The following YBX1 variants were observed in gnomAD, a reference collection of about 807,000 sequenced individuals.
YBX1 encodes the protein Y-box-binding protein 1.
In YBX1, 3 loss-of-function variants were observed where a neutral mutation model predicts 41.4. The ratio of observed to expected loss-of-function variants is 0.07; its 90% CI spans 0.03 to 0.19. YBX1 has a LOEUF of 0.19. YBX1 is among the 10% of genes least tolerant of loss of function. YBX1 has a pLI of 1.00. For missense variants in YBX1, 274 were observed against 462.8 expected, an observed-to-expected ratio of 0.59 and a Z score of 3.74; for synonymous variants, 133 against 165.8, an observed-to-expected ratio of 0.80 and a Z score of 1.52.
chr1:42,696,771 T>C lies in YBX1; in HGVS notation c.484T>C (p.Tyr162His). The change falls in exon 5 of 8, where the codon TAC becomes CAC. Residue 162 changes from tyrosine (Y) to histidine (H), a missense_variant. Tyr to His is a moderately conservative substitution (Grantham distance 83). Coordinates refer to ENST00000321358, the MANE Select transcript of YBX1 (RefSeq NM_004559.5). The surrounding 1 kb of genome is among the most constrained non-coding windows in gnomAD (Gnocchi z 5.7). ...TCCTCCACGCAATTACCAGCAAAAT[T>C]ACCAGAATAGTGAGAGTGGGGAAAA... is the stretch of plus-strand genomic sequence containing the variant. The part of the protein sequence containing the change: ...RGPPRNYQQN[Y>H]QNSESGEKNE... The C allele has an allele frequency of 3.7e-6, 6 of 1,613,778 alleles. No homozygotes were observed. The highest frequency in any genetic ancestry group is 5.1e-6 in the Non-Finnish European group (6 of 1,179,828).
rs1650651162 is a variant in YBX1 at position 42,703,304 on chromosome 1, G to A, written c.*1355G>A. 6.6e-6 allele frequency among the ~76,000 whole-genome samples: 1 copy of A among 152,064 alleles called. No homozygotes were observed. The highest frequency in any genetic ancestry group is 1.5e-5 in the Non-Finnish European group (1 of 68,010). ...AATAGTCATGTAGTTGATAGTGACT[G>A]CTGCCCCGAAACACTCCAGATCATC... On this transcript the variant is annotated 3_prime_UTR_variant, in exon 8 of 8. Transcript: ENST00000321358.
At chr1:42,688,950 T>A (rs1650264609) in intron 2 of YBX1, among the ~76,000 whole-genome samples, 1 of 152,256 alleles carries the variant, frequency 6.6e-6, no homozygotes, top group Non-Finnish European at 1.5e-5. Context: ...AGGATTTATG[T>A]TACCAGTAAG....
chr1:42,698,770 G>A (rs1041834849), intron 6 of YBX1, among the ~76,000 whole-genome samples: 1 of 152,172 alleles, frequency 6.6e-6, no homozygotes, highest in African/African-American at 2.4e-5. Flanking sequence ...TAATGTCTAC[G>A]TGTTTCAATG....
chr1:42,689,414 G>C (rs1019225467), intron 2 of YBX1, among the ~76,000 whole-genome samples: 2 of 152,152 alleles, frequency 1.3e-5, no homozygotes, highest in Admixed American at 1.3e-4. Context: ...CGTGAATTAA[G>C]GTGTTAGACT....
chr1:42,701,471 T>C (rs1036205552), intron 7 of YBX1, among the ~76,000 whole-genome samples: 1 of 152,088 alleles, frequency 6.6e-6, no homozygotes, highest in East Asian at 1.9e-4. Flanking sequence ...TGGTGACAAA[T>C]AGAGTCTGTT....
chr1:42,688,503 T>C lies in YBX1; in HGVS notation c.231-4987T>C, dbSNP rs190315890. Among the ~76,000 whole-genome samples, 905 of 152,316 alleles carry C rather than the reference T, an allele frequency of 5.9e-3. 6 individuals carry two copies. The highest frequency in any genetic ancestry group is 8.7e-3 in the Non-Finnish European group (592 of 68,024). On this transcript the variant is annotated intron_variant, in intron 2 of 7. Transcript: ENST00000321358. ...CTGCACGACATTCACTGTAGTAATATTGTACTATTATAATATGTAGCCACT... is the reference window on the plus strand; with the variant it reads ...CTGCACGACATTCACTGTAGTAATACTGTACTATTATAATATGTAGCCACT...
At chr1:42,693,632 G>T in intron 3 of YBX1, 109 bp downstream of exon 3, 1 of 1,147,672 alleles carries the variant, frequency 8.7e-7, no homozygotes, top group Non-Finnish European at 1.3e-6. Context: ...CCAACCACCA[G>T]TTTATTTACT....
chr1:42,693,648 C>T, intron 3 of YBX1, 125 bp downstream of exon 3: 1 of 914,166 alleles, frequency 1.1e-6, no homozygotes, highest in Non-Finnish European at 1.7e-6. Context: ...TTACTTACGA[C>T]AGGAGTAGTA....
Position 42,700,895 on chromosome 1 carries a change from C to T in YBX1, c.855C>T (p.Phe285=). The change falls in exon 7 of 8, where the codon TTC becomes TTT. Residue 285 remains phenylalanine (F), a synonymous_variant. Transcript: ENST00000321358. ...QPPQRRYRRN[F]NYRRRRPENP... is the part of the protein sequence containing the mutation. ...CTCAACGTCGGTACCGCCGCAACTT[C>T]AATTACCGACGCAGACGCCCAGAAA... 1 of 1,614,070 alleles carries T rather than the reference C, an allele frequency of 6.2e-7. No homozygotes were observed. Among genetic ancestry groups the T allele is most frequent in the Non-Finnish European group, 8.5e-7 (1 of 1,180,010 alleles).
At chr1:42,684,657 T>C (rs936703500) in intron 2 of YBX1, among the ~76,000 whole-genome samples, 14 of 152,216 alleles carry the variant, frequency 9.2e-5, no homozygotes, top group Admixed American at 7.2e-4. Flanking sequence ...TCTTCCAAAA[T>C]CTTAGGATTT....
At chr1:42,682,811 C>A in intron 1 of YBX1, 80 bp downstream of exon 1, 1 of 982,402 alleles carries the variant, frequency 1.0e-6, no homozygotes, top group Non-Finnish European at 1.3e-6. Context: ...GGCGAGCCGG[C>A]GGGCGCGCGG....
intron 2 of YBX1, among the ~76,000 whole-genome samples, chr1:42,687,789 T>G (rs898889686): frequency 1.3e-5 from 2 of 152,174 alleles, no homozygotes; most frequent in Non-Finnish European, 2.9e-5. Flanking sequence ...ACCAAAAATC[T>G]CTTGGGCTGT....
rs1487936858 is a variant in YBX1, at chr1:42,703,663, G to C, written c.*1714G>C. Among the ~76,000 whole-genome samples, 1 of 152,110 alleles carries C rather than the reference G, an allele frequency of 6.6e-6. No homozygotes were observed. Among genetic ancestry groups the C allele is most frequent in the Non-Finnish European group, 1.5e-5 (1 of 68,028 alleles). On this transcript the variant is annotated 3_prime_UTR_variant, in exon 8 of 8. Transcript: ENST00000321358. ...CACACAGTCCCTGACTTAAACAGTGGTTTGACTTAGGGGCTTTTAGTGGGG... is the reference window on the plus strand; with the variant it reads ...CACACAGTCCCTGACTTAAACAGTGCTTTGACTTAGGGGCTTTTAGTGGGG...
intron 6 of YBX1, among the ~76,000 whole-genome samples, chr1:42,699,706 C>T (rs890697619): frequency 6.6e-6 from 1 of 151,892 alleles, no homozygotes; most frequent in African/African-American, 2.4e-5. Flanking sequence ...GTGATCCTCC[C>T]CAAGTGCTAG....
intron 3 of YBX1, among the ~76,000 whole-genome samples, chr1:42,694,681 T>G (rs1001909122): frequency 6.6e-6 from 1 of 152,190 alleles, no homozygotes; most frequent in African/African-American, 2.4e-5. Flanking sequence ...AATCAGGTAG[T>G]TCAGGGTCAA....
At chr1:42,683,892 G>T (rs1304597740) in intron 2 of YBX1, among the ~76,000 whole-genome samples, 1 of 152,110 alleles carries the variant, frequency 6.6e-6, no homozygotes, top group African/African-American at 2.4e-5. Flanking sequence ...AGGGTAAGAG[G>T]ATTTGACTAT....
intron 6 of YBX1, among the ~76,000 whole-genome samples, chr1:42,700,404 G>C (rs1459022617): frequency 6.6e-6 from 1 of 152,070 alleles, no homozygotes; most frequent in African/African-American, 2.4e-5. Flanking sequence ...AGGAATTCAA[G>C]ACCAGCCTTG....
At chr1:42,698,819 A>C (rs1284187072) in intron 6 of YBX1, among the ~76,000 whole-genome samples, 1 of 152,218 alleles carries the variant, frequency 6.6e-6, no homozygotes, top group Non-Finnish European at 1.5e-5. Context: ...TGCAGAAGTA[A>C]CATAAAATTG....
At chr1:42,697,781 C>T (rs1304059444) in intron 6 of YBX1, among the ~76,000 whole-genome samples, 1 of 151,982 alleles carries the variant, frequency 6.6e-6, no homozygotes, top group African/African-American at 2.4e-5. Flanking sequence ...AGACAACTAT[C>T]TACTTGAGTG....
Sources: gnomAD v4.1 joint callset for allele counts (sites outside exome capture counted in the v4.1 genomes callset) on GRCh38, gnomAD v4.1.1 for gene constraint, Gnocchi (gnomAD v3.1) non-coding constraint, MANE v1.5 for transcripts, NCBI Gene and HGNC (gene_info 2026-07-23, HGNC 2026-07-21) for gene names.